Variants in ACAD10 observed in about 807,000 individuals in gnomAD.
ACAD10 encodes acyl-CoA dehydrogenase family member 10, also known as ACAD-10.
In ACAD10, 112 loss-of-function variants were observed where a neutral mutation model predicts 116.8. That is an observed-to-expected ratio of 0.96 (90% CI 0.82 to 1.12). ACAD10 has a LOEUF of 1.12. ACAD10 is among the 50% of genes most tolerant of loss of function. ACAD10 has a pLI of 0.00. For missense variants in ACAD10, 1,259 were observed against 1,350.2 expected, an observed-to-expected ratio of 0.93 and a Z score of 1.06; for synonymous variants, 486 against 510.6, an observed-to-expected ratio of 0.95 and a Z score of 0.65.
chr12:111,690,173 A>G (rs1470709338), intron 1 of ACAD10, among the ~76,000 whole-genome samples: 1 of 152,160 alleles, frequency 6.6e-6, no homozygotes, highest in Non-Finnish European at 1.5e-5. Context: ...CCCTTGTCCC[A>G]AATGTTTGGA....
chr12:111,714,982 C>CT (rs1210138888), intron 6 of ACAD10, among the ~76,000 whole-genome samples: 2 of 152,246 alleles, frequency 1.3e-5, no homozygotes, highest in Admixed American at 1.3e-4. Context: ...TCCCAAAGTG[C>CT]TGGGATTACA....
chr12:111,706,761 T>TA (rs1363854219), intron 4 of ACAD10, among the ~76,000 whole-genome samples: 22 of 132,876 alleles, frequency 1.7e-4, no homozygotes, highest in East Asian at 8.0e-4. Context: ...TATTTATTTT[T>TA]TTATATATAT....
chr12:111,700,166 C>T (rs1320801764), intron 2 of ACAD10, among the ~76,000 whole-genome samples: 2 of 151,966 alleles, frequency 1.3e-5, no homozygotes, highest in East Asian at 3.9e-4. Context: ...CCAGCCTGGG[C>T]AACACAGCAA....
intron 7 of ACAD10, among the ~76,000 whole-genome samples, chr12:111,719,466 A>T (rs927183881): frequency 4.6e-5 from 7 of 151,642 alleles, no homozygotes; most frequent in Middle Eastern, 3.4e-3. Context: ...TTCGGCCAGG[A>T]TGGTCTCAAT....
At chr12:111,754,938 C>T (rs1371242456) in intron 19 of ACAD10, among the ~76,000 whole-genome samples, 2 of 152,230 alleles carry the variant, frequency 1.3e-5, no homozygotes, top group Non-Finnish European at 2.9e-5. Context: ...TGGCGCCCTT[C>T]ATCCCTGGGT....
At chr12:111,747,249 C>A (rs73420467) in intron 15 of ACAD10, 46 bp from the exon 16 acceptor site, 4 of 1,613,068 alleles carry the variant, frequency 2.5e-6, no homozygotes, top group Admixed American at 3.3e-5. Context: ...ACAGGGAACA[C>A]GGGCTGTCTG....
intron 12 of ACAD10, among the ~76,000 whole-genome samples, chr12:111,737,303 C>T (rs1381072032): frequency 6.6e-6 from 1 of 152,150 alleles, no homozygotes; most frequent in Non-Finnish European, 1.5e-5. Context: ...CTGCCTCAGC[C>T]TCCAGGGTAG....
intron 1 of ACAD10, among the ~76,000 whole-genome samples, chr12:111,687,300 TAA>T (rs1439427104): frequency 1.3e-5 from 2 of 152,220 alleles, no homozygotes; most frequent in Non-Finnish European, 2.9e-5. Context: ...ATGCCCTGTT[TAA>T]ATCAGGGTTT....
chr12:111,734,610 C>T (rs1165764550), intron 11 of ACAD10, among the ~76,000 whole-genome samples: 4 of 151,952 alleles, frequency 2.6e-5, no homozygotes, highest in South Asian at 2.1e-4. Flanking sequence ...GGCAACAGGG[C>T]GAGACTCCAT....
chr12:111,714,471 C>T (rs748546110), intron 6 of ACAD10, among the ~76,000 whole-genome samples: 10 of 151,552 alleles, frequency 6.6e-5, no homozygotes, highest in African/African-American at 2.4e-4. Flanking sequence ...TTGAGACCAG[C>T]CTGGTCAACA....
At chr12:111,686,776 C>T (rs891253792) in intron 1 of ACAD10, among the ~76,000 whole-genome samples, 1 of 152,124 alleles carries the variant, frequency 6.6e-6, no homozygotes, top group Non-Finnish European at 1.5e-5. Context: ...GCAGTTAGAC[C>T]GGGGTCCTCC....
At chr12:111,698,205 C>G (rs777401930) in intron 2 of ACAD10, among the ~76,000 whole-genome samples, 1 of 151,266 alleles carries the variant, frequency 6.6e-6, no homozygotes. Context: ...ACCATGTTGG[C>G]CAGGCTGGTC....
At chr12:111,746,985 G>A (rs1467791743) in intron 14 of ACAD10, 64 bp from the exon 15 acceptor site, 2 of 1,516,814 alleles carry the variant, frequency 1.3e-6, no homozygotes, top group Non-Finnish European at 1.8e-6. Context: ...GGGTGACAGA[G>A]CTTGACTCTG....
intron 1 of ACAD10, among the ~76,000 whole-genome samples, chr12:111,689,489 A>C (rs1642257170): frequency 6.6e-6 from 1 of 151,844 alleles, no homozygotes; most frequent in Non-Finnish European, 1.5e-5. Flanking sequence ...CTCATGTCCC[A>C]GCCTCCCGAG....
intron 13 of ACAD10, 89 bp from the exon 14 acceptor site, chr12:111,746,055 T>C (rs1297608563): frequency 4.6e-6 from 7 of 1,521,458 alleles, no homozygotes; most frequent in Non-Finnish European, 6.2e-6. Flanking sequence ...GTCTGCCTTG[T>C]TTCCTCCAAT....
chr12:111,753,844 C>G lies in ACAD10; in HGVS notation c.2890C>G (p.Arg964Gly). 1 of 1,613,960 alleles carries G rather than the reference C, an allele frequency of 6.2e-7. No individual in the cohort carries two copies. Among genetic ancestry groups the G allele is most frequent in the Non-Finnish European group, 8.5e-7 (1 of 1,180,018 alleles). Residue 964 changes from arginine to glycine, a missense_variant, in exon 19 of 21, where the codon CGC becomes GGC. By Grantham distance (125) the Arg-to-Gly change is moderately radical. Coordinates refer to ENST00000313698, the MANE Select transcript of ACAD10 (RefSeq NM_025247.6). The stretch of plus-strand genomic sequence containing the variant: ...AGTGCTGGCGGACATCGCGCAGTCG[C>G]GCGTGGAGATTGAGCAGGCACGGCT... ...GTVLADIAQS[R>G]VEIEQARLLV...
At chr12:111,751,144 A>G (rs1890061808) in intron 18 of ACAD10, among the ~76,000 whole-genome samples, 3 of 152,224 alleles carry the variant, frequency 2.0e-5, no homozygotes, top group South Asian at 4.1e-4. Context: ...ATTTGCTACA[A>G]GGAGGTTCAC....
chr12:111,756,591 TC>T lies in ACAD10; in HGVS notation c.*121del, dbSNP rs1293826940. On this transcript the variant is annotated 3_prime_UTR_variant, in exon 21 of 21. Transcript: ENST00000313698. Reference sequence around the variant, plus strand: ...TCCTGCACCCTGCTCAGCAGCTCTGTCCCGGGACAGTCAGGGTGGACTCAAT... The same window carrying T: ...TCCTGCACCCTGCTCAGCAGCTCTGTCCGGGACAGTCAGGGTGGACTCAAT... 6.8e-7 allele frequency: 1 copy of T among 1,468,800 alleles called. No individual in the cohort carries two copies. The highest frequency in any genetic ancestry group is 1.4e-5 in the African/African-American group (1 of 71,926). 91.0% of individuals were successfully genotyped at this position (1,468,800 alleles called of 1,614,324 possible).
At chr12:111,715,778 C>T (rs779264689) in intron 6 of ACAD10, 43 bp from the exon 7 acceptor site, 1 of 1,613,358 alleles carries the variant, frequency 6.2e-7, no homozygotes, top group Non-Finnish European at 8.5e-7. Context: ...TCAGATCTGT[C>T]CTCCAGGGCT....
Sources: allele counts gnomAD v4.1 joint callset (sites outside exome capture counted in the v4.1 genomes callset), GRCh38; gene constraint gnomAD v4.1.1; transcripts MANE v1.5; gene names NCBI Gene and HGNC (gene_info 2026-07-23, HGNC 2026-07-21).